Variants in ERC2 observed in about 807,000 individuals in gnomAD.
The protein encoded by ERC2 is ELKS/RAB6-interacting/CAST family member 2.
Under a neutral mutation model 114.8 loss-of-function variants are expected in ERC2, and 42 were observed. That is an observed-to-expected ratio of 0.37 (90% CI 0.29 to 0.47). ERC2 has a LOEUF of 0.47. ERC2 is among the 20% of genes least tolerant of loss of function. The pLI is 0.99. For missense variants in ERC2, 939 were observed against 1,150.7 expected, an observed-to-expected ratio of 0.82 and a Z score of 2.66; for synonymous variants, 454 against 425.5, an observed-to-expected ratio of 1.07 and a Z score of -0.82.
Position 55,800,220 on chromosome 3 carries a change from A to C in ERC2, c.2565-65302T>G, listed in dbSNP as rs912670486. Among the ~76,000 whole-genome samples the C allele has an allele frequency of 6.6e-5, 10 of 151,936 alleles. No homozygotes were observed. The East Asian group carries it at 1.9e-3, about 29-fold the overall frequency. On this transcript the variant is annotated intron_variant, in intron 14 of 17. Coordinates refer to ENST00000288221, the MANE Select transcript of ERC2 (RefSeq NM_015576.3). Reference sequence around the variant, plus strand: ...CAATGGCGTGATGTCGGCTCACTGCAACCTCCGCCTCCTGGGTTCAAGCAA... The same window carrying C: ...CAATGGCGTGATGTCGGCTCACTGCCACCTCCGCCTCCTGGGTTCAAGCAA...
chr3:55,914,220 A>T (rs1433467578), intron 13 of ERC2, among the ~76,000 whole-genome samples: 1 of 152,112 alleles, frequency 6.6e-6, no homozygotes, highest in Non-Finnish European at 1.5e-5. Context: ...TCAACAACTG[A>T]GGTTTTTTCT....
At chr3:56,211,755 T>C (rs2049075399) in intron 3 of ERC2, among the ~76,000 whole-genome samples, 2 of 152,128 alleles carry the variant, frequency 1.3e-5, no homozygotes, top group South Asian at 4.1e-4. Flanking sequence ...AAAACAGGCA[T>C]ATAGACCAAT....
At chr3:56,405,166 A>T (rs2060666149) in intron 2 of ERC2, among the ~76,000 whole-genome samples, 2 of 152,234 alleles carry the variant, frequency 1.3e-5, no homozygotes, top group Admixed American at 1.3e-4. Flanking sequence ...GATGGAGGCC[A>T]GGCACGTTGG....
intron 6 of ERC2, among the ~76,000 whole-genome samples, chr3:56,094,390 G>A (rs957473433): frequency 2.0e-5 from 3 of 152,042 alleles, no homozygotes; most frequent in South Asian, 2.1e-4. Flanking sequence ...GAGCTTTCAG[G>A]GCTCAGAGAC....
intron 14 of ERC2, among the ~76,000 whole-genome samples, chr3:55,745,645 A>G (rs952124609): frequency 2.3e-4 from 35 of 152,216 alleles, no homozygotes; most frequent in African/African-American, 8.4e-4. Flanking sequence ...CTGGCAGGTT[A>G]TAGATGAGTG....
At chr3:56,430,956 A>T (rs1372100089) in intron 2 of ERC2, among the ~76,000 whole-genome samples, 1 of 152,206 alleles carries the variant, frequency 6.6e-6, no homozygotes, top group East Asian at 1.9e-4. Flanking sequence ...AGACTTTGGC[A>T]TGAAATAGAC....
intron 3 of ERC2, among the ~76,000 whole-genome samples, chr3:56,249,674 T>A (rs2051994890): frequency 6.6e-6 from 1 of 150,526 alleles, no homozygotes; most frequent in South Asian, 2.1e-4. Context: ...CATCTGAAAA[T>A]GTCATAGCAA....
intron 1 of ERC2, among the ~76,000 whole-genome samples, chr3:56,465,276 G>A (rs1013178355): frequency 6.6e-6 from 1 of 152,146 alleles, no homozygotes; most frequent in African/African-American, 2.4e-5. Flanking sequence ...GCGGGCACCT[G>A]TAATCCCAGC....
intron 6 of ERC2, among the ~76,000 whole-genome samples, chr3:56,109,232 A>T (rs563126798): frequency 6.6e-6 from 1 of 151,968 alleles, no homozygotes; most frequent in African/African-American, 2.4e-5. Flanking sequence ...CTTTGTGTTC[A>T]TGAGATCTCA....
chr3:55,579,299 A>G (rs1454614963), intron 17 of ERC2, among the ~76,000 whole-genome samples: 1 of 152,234 alleles, frequency 6.6e-6, no homozygotes, highest in African/African-American at 2.4e-5. Flanking sequence ...ATAATTCACA[A>G]TCTACATTTG....
chr3:56,273,117 T>C (rs2053763507), intron 3 of ERC2, among the ~76,000 whole-genome samples: 1 of 152,176 alleles, frequency 6.6e-6, no homozygotes, highest in Non-Finnish European at 1.5e-5. Flanking sequence ...AAATGATTTC[T>C]TCCTTCCCTT....
chr3:56,228,081 C>G (rs933808497), intron 3 of ERC2, among the ~76,000 whole-genome samples: 3 of 152,104 alleles, frequency 2.0e-5, no homozygotes, highest in Non-Finnish European at 4.4e-5. Flanking sequence ...GTGATTACCT[C>G]GAGGAGACAA....
intron 17 of ERC2, among the ~76,000 whole-genome samples, chr3:55,537,401 G>A (rs758224998): frequency 2.6e-5 from 4 of 152,220 alleles, no homozygotes; most frequent in African/African-American, 9.6e-5. Context: ...GAGACTTAAC[G>A]AAGTCTGGTC....
chr3:56,230,215 T>C (rs1407610551), intron 3 of ERC2, among the ~76,000 whole-genome samples: 2 of 152,086 alleles, frequency 1.3e-5, no homozygotes, highest in South Asian at 2.1e-4. Context: ...GCAGAAGACA[T>C]AATGCTGATT....
chr3:56,355,269 G>C (rs1282738549), intron 2 of ERC2, among the ~76,000 whole-genome samples: 4 of 151,902 alleles, frequency 2.6e-5, no homozygotes, highest in Non-Finnish European at 5.9e-5. Flanking sequence ...AGAAGGAAAA[G>C]GAGCTATTAT....
At chr3:55,669,168 C>G (rs1218642106) in intron 17 of ERC2, among the ~76,000 whole-genome samples, 1 of 152,184 alleles carries the variant, frequency 6.6e-6, no homozygotes, top group African/African-American at 2.4e-5. Context: ...AATTTCCCAA[C>G]AAGATTAAGA....
chr3:56,063,139 T>G (rs773371424), intron 7 of ERC2, among the ~76,000 whole-genome samples: 13 of 152,168 alleles, frequency 8.5e-5, no homozygotes, highest in Non-Finnish European at 1.6e-4. Context: ...ACAGGATGAT[T>G]CCATTTTTAT....
chr3:56,185,545 A>G (rs775984423), intron 3 of ERC2, among the ~76,000 whole-genome samples: 37 of 152,178 alleles, frequency 2.4e-4, no homozygotes, highest in Admixed American at 1.3e-4. Context: ...AACTGATGAG[A>G]TTTAGATGAG....
intron 14 of ERC2, among the ~76,000 whole-genome samples, chr3:55,874,619 C>T (rs1484211286): frequency 2.0e-5 from 3 of 151,946 alleles, no homozygotes; most frequent in South Asian, 2.1e-4. Context: ...TGTATCTGAC[C>T]GCGGCACCAT....
Sources: allele counts gnomAD v4.1 joint callset (sites outside exome capture counted in the v4.1 genomes callset), GRCh38; gene constraint gnomAD v4.1.1; transcripts MANE v1.5; gene names NCBI Gene and HGNC (gene_info 2026-07-23, HGNC 2026-07-21).